Variants in UPF3B observed in about 807,000 individuals in gnomAD.
The protein encoded by UPF3B is regulator of nonsense transcripts 3B.
A neutral mutation model predicts 40.3 loss-of-function variants in UPF3B; 7 were observed. That is an observed-to-expected ratio of 0.17 (90% CI 0.10 to 0.33). The LOEUF (loss-of-function observed/expected upper bound fraction) is 0.33, where lower values mean the gene tolerates loss of function less well. Among genes scored for constraint, UPF3B ranks in the 10% least tolerant of loss-of-function variants. The probability of loss-of-function intolerance (pLI) is 1.00; values close to 1 mark genes in which losing one functional copy is unlikely to be tolerated. For missense variants in UPF3B, 229 were observed against 358.9 expected, an observed-to-expected ratio of 0.64 and a Z score of 2.93; for synonymous variants, 117 against 117.3, an observed-to-expected ratio of 1.00 and a Z score of 0.01.
chrX:119,836,641 C>T (rs2056095594), intron 10 of UPF3B, among the ~76,000 whole-genome samples: 1 of 106,511 alleles, frequency 9.4e-6, no homozygotes. Context: ...TGGAGTTCAT[C>T]ATACTATTCG....
chrX:119,819,822 ACTTTT>A (rs759830351), intron 4 of UPF3B, among the ~76,000 whole-genome samples: 14 of 102,838 alleles, frequency 1.4e-4, no homozygotes, highest in Non-Finnish European at 2.0e-4. Context: ...TTTTCCACAA[ACTTTT>A]CTTTTCTATT....
intron 8 of UPF3B, among the ~76,000 whole-genome samples, chrX:119,838,952 T>A (rs1055257903): frequency 3.6e-5 from 4 of 111,022 alleles, no homozygotes; most frequent in African/African-American, 1.3e-4. Flanking sequence ...ATTTTTTAAT[T>A]TTTTTGTAGA....
intron 4 of UPF3B, among the ~76,000 whole-genome samples, chrX:119,822,614 T>A (rs984003259): frequency 8.9e-5 from 10 of 111,971 alleles, no homozygotes; most frequent in Admixed American, 4.8e-4. Flanking sequence ...TATTTTTTTT[T>A]AATTTTTTTG....
intron 6 of UPF3B, among the ~76,000 whole-genome samples, chrX:119,807,016 G>A (rs1439150997): frequency 1.8e-4 from 14 of 77,456 alleles, no homozygotes; most frequent in Admixed American, 3.7e-4. Flanking sequence ...GCAACAGGGT[G>A]AGACCCTGTC....
downstream of UPF3B, among the ~76,000 whole-genome samples, chrX:119,830,696 C>T (rs1169924548): frequency 9.2e-6 from 1 of 108,454 alleles, no homozygotes; most frequent in Non-Finnish European, 1.9e-5. Flanking sequence ...TAATATCATT[C>T]CTCTCCTTTC....
intron 3 of UPF3B, among the ~76,000 whole-genome samples, chrX:119,828,880 C>A (rs189688985): frequency 3.2e-4 from 35 of 110,022 alleles, no homozygotes; most frequent in African/African-American, 1.1e-3. Flanking sequence ...ACCACCACAC[C>A]CAGCTAATTT....
chrX:119,851,000 A>G (rs747408992), intron 3 of UPF3B, among the ~76,000 whole-genome samples: 2 of 112,230 alleles, frequency 1.8e-5, no homozygotes, highest in Non-Finnish European at 3.8e-5. Flanking sequence ...TCGGCATCCC[A>G]AAGTGCTGGG....
At chrX:119,824,764 CTTTTTTTTTT>C (rs11351287) in intron 3 of UPF3B, among the ~76,000 whole-genome samples, 3 of 65,646 alleles carry the variant, frequency 4.6e-5, no homozygotes, top group Non-Finnish European at 8.1e-5. Context: ...CCATTTCTTT[CTTTTTTTTTT>C]TTTTTTTTTT....
At position 119,838,071 on chromosome X, in the gene UPF3B, G is replaced by C; in HGVS notation, c.1008-20C>G. 8.3e-7 allele frequency: 1 copy of C among 1,207,787 alleles called. No homozygotes were observed. Among genetic ancestry groups the C allele is most frequent in the African/African-American group, 1.7e-5 (1 of 57,575 alleles). On this transcript the variant is annotated intron_variant, in intron 9 of 10. Coordinates refer to ENST00000276201, the MANE Select transcript of UPF3B (RefSeq NM_080632.3). ...TCAGGTCTGCATGAAAAACAAATCT[G>C]AGACAGAACCCTGAAAGATCTTGTA...
At chrX:119,851,737 T>C in intron 2 of UPF3B, 30 bp downstream of exon 2, 1 of 900,151 alleles carries the variant, frequency 1.1e-6, no homozygotes, top group Non-Finnish European at 1.5e-6. Context: ...CCTTTTTCAT[T>C]TACCCCTTTC....
intron 5 of UPF3B, among the ~76,000 whole-genome samples, chrX:119,811,359 A>C (rs778058716): frequency 9.0e-6 from 1 of 110,867 alleles, no homozygotes; most frequent in South Asian, 3.8e-4. Context: ...TCTTTTAAAA[A>C]TCCATGGCCG....
chrX:119,845,719 T>A (rs2056220146), intron 3 of UPF3B, among the ~76,000 whole-genome samples: 1 of 110,639 alleles, frequency 9.0e-6, no homozygotes, highest in Non-Finnish European at 1.9e-5. Context: ...GGGTTTCTCT[T>A]AGGGGTGATG....
At chrX:119,836,592 A>G (rs2147781221) in intron 10 of UPF3B, among the ~76,000 whole-genome samples, 1 of 109,604 alleles carries the variant, frequency 9.1e-6, no homozygotes, top group Admixed American at 9.9e-5. Flanking sequence ...GAATAGAAAG[A>G]AGGTTGGCTA....
At chrX:119,848,725 G>A (rs1444390194) in intron 3 of UPF3B, among the ~76,000 whole-genome samples, 2 of 111,116 alleles carry the variant, frequency 1.8e-5, no homozygotes, top group Non-Finnish European at 3.8e-5. Flanking sequence ...AAAGAAGCCA[G>A]TCAGAAAAGA....
At chrX:119,841,446 T>C (rs927280956) in intron 6 of UPF3B, among the ~76,000 whole-genome samples, 188 bp from the exon 7 acceptor site, 15 of 111,832 alleles carry the variant, frequency 1.3e-4, no homozygotes, top group African/African-American at 4.9e-4. Context: ...AACCTGCTAA[T>C]ATTATTCTTC....
chrX:119,831,756 G>A (rs1458276290), downstream of UPF3B: 26 of 734,005 alleles, frequency 3.5e-5, no homozygotes, highest in Non-Finnish European at 3.9e-5. Flanking sequence ...ATCCCTGGAC[G>A]ACCCTGAAGT....
chrX:119,848,281 C>CA (rs144679153), intron 3 of UPF3B, among the ~76,000 whole-genome samples: 4,563 of 23,026 alleles, frequency 0.2, 431 homozygotes, highest in Middle Eastern at 0.23. Context: ...GACTCCATCT[C>CA]AAAAAAAAAA....
rs2250254 is a variant in UPF3B at position 119,808,286 on chromosome X, G to A, written c.603-705C>T. On this transcript the variant is annotated intron_variant, in intron 5 of 6. Transcript: ENST00000636792. ...AAGGGAGCAAACTAGAAGAAGAAAGGTGGTATTGGGGGAAAGGATATCAAT... is the reference window on the plus strand; with the variant it reads ...AAGGGAGCAAACTAGAAGAAGAAAGATGGTATTGGGGGAAAGGATATCAAT... Among the ~76,000 whole-genome samples, 145 of 110,979 alleles carry A rather than the reference G, an allele frequency of 1.3e-3. 1 individual carries two copies. The highest frequency in any genetic ancestry group is 4.7e-3 in the Admixed American group (48 of 10,298).
At chrX:119,830,753 A>AAT (rs1276038135), downstream of UPF3B, among the ~76,000 whole-genome samples, 1 of 110,123 alleles carries the variant, frequency 9.1e-6, no homozygotes, top group African/African-American at 3.3e-5. Context: ...AAAAAAAAAA[A>AAT]AAAGAAATAA....
Sources: allele counts gnomAD v4.1 joint callset (sites outside exome capture counted in the v4.1 genomes callset), GRCh38; gene constraint gnomAD v4.1.1; transcripts MANE v1.5; gene names NCBI Gene and HGNC (gene_info 2026-07-23, HGNC 2026-07-21).